Variants in OPCML observed in about 807,000 individuals in gnomAD.
OPCML encodes opioid-binding protein/cell adhesion molecule.
In OPCML, 13 loss-of-function variants were observed where a neutral mutation model predicts 37.8. The ratio of observed to expected loss-of-function variants is 0.34; its 90% CI spans 0.22 to 0.55. The LOEUF is 0.55. OPCML is among the 20% of genes least tolerant of loss of function. The pLI is 0.91. For synonymous variants in OPCML, 176 were observed against 168.8 expected, an observed-to-expected ratio of 1.04 and a Z score of -0.33; for missense variants, 341 against 435.6, an observed-to-expected ratio of 0.78 and a Z score of 1.93.
intron 1 of OPCML, among the ~76,000 whole-genome samples, chr11:133,427,654 A>T (rs929054452): frequency 2.4e-4 from 36 of 152,152 alleles, no homozygotes; most frequent in African/African-American, 8.4e-4. Flanking sequence ...GCTACATACA[A>T]TTCCAGTTAT....
chr11:133,036,744 A>G (rs549604470), intron 1 of OPCML, among the ~76,000 whole-genome samples: 1 of 152,274 alleles, frequency 6.6e-6, no homozygotes, highest in Non-Finnish European at 1.5e-5. Flanking sequence ...CAAAGTTGAC[A>G]TTGATTCAGG....
intron 1 of OPCML, among the ~76,000 whole-genome samples, chr11:132,996,933 C>T (rs184684223): frequency 3.3e-5 from 5 of 152,310 alleles, no homozygotes; most frequent in Admixed American, 2.0e-4. Context: ...CCTAAGGGGC[C>T]GTCTCCTATT....
chr11:132,971,085 G>T (rs7951483), intron 1 of OPCML, among the ~76,000 whole-genome samples: 11,730 of 152,038 alleles, frequency 0.077, 998 homozygotes, highest in East Asian at 0.34. Flanking sequence ...CACAGTGACC[G>T]ACTGTCACAA....
Position 132,812,210 on chromosome 11 carries a change from C to G in OPCML, c.146+130716G>C, listed in dbSNP as rs1339001550. On this transcript the variant is annotated intron_variant, in intron 2 of 7. Coordinates refer to ENST00000524381, the MANE Select transcript of OPCML (RefSeq NM_001012393.5). Reference sequence around the variant, plus strand: ...TCCCTGAGTGGCCAGGGATGAAGAGCACTAAACTTCCATCTTCCAAGAAGG... The same window carrying G: ...TCCCTGAGTGGCCAGGGATGAAGAGGACTAAACTTCCATCTTCCAAGAAGG... Among the ~76,000 whole-genome samples the G allele has an allele frequency of 2.0e-5, 3 of 152,132 alleles. No individual in the cohort carries two copies. In the East Asian group the frequency reaches 5.8e-4, roughly 29 times the overall value.
chr11:132,744,583 C>A (rs983882051), intron 2 of OPCML, among the ~76,000 whole-genome samples: 1 of 152,094 alleles, frequency 6.6e-6, no homozygotes, highest in Non-Finnish European at 1.5e-5. Flanking sequence ...GACCCTTTTG[C>A]CTGTTATTGA....
chr11:133,053,701 G>A (rs908305484), intron 1 of OPCML, among the ~76,000 whole-genome samples: 2 of 152,050 alleles, frequency 1.3e-5, no homozygotes, highest in African/African-American at 4.8e-5. Flanking sequence ...AACCTCCATC[G>A]TCTGTCTCAG....
At chr11:132,814,673 A>G (rs780538120) in intron 2 of OPCML, among the ~76,000 whole-genome samples, 18 of 152,184 alleles carry the variant, frequency 1.2e-4, no homozygotes, top group Non-Finnish European at 2.5e-4. Context: ...CTCAAAAATA[A>G]TGTTTAATCT....
chr11:132,484,925 C>G (rs750576467), intron 4 of OPCML, among the ~76,000 whole-genome samples: 27 of 151,998 alleles, frequency 1.8e-4, no homozygotes, highest in Non-Finnish European at 1.3e-4. Context: ...TTGTGGGGTG[C>G]GAGGAGGGCA....
chr11:132,469,470 C>CTGTG (rs200349396), intron 4 of OPCML, among the ~76,000 whole-genome samples: 75 of 140,582 alleles, frequency 5.3e-4, no homozygotes, highest in South Asian at 1.2e-3. Flanking sequence ...GCCTGTGTGC[C>CTGTG]TGTGTGTGTG....
At chr11:133,431,503 T>C (rs1946114556) in intron 1 of OPCML, among the ~76,000 whole-genome samples, 1 of 152,158 alleles carries the variant, frequency 6.6e-6, no homozygotes, top group Non-Finnish European at 1.5e-5. Flanking sequence ...TTTGCTCTTG[T>C]TGCCCAGGCT....
chr11:133,500,756 A>G lies in OPCML; in HGVS notation c.61+31508T>C, dbSNP rs572191796. ...GACCCCAGCAGGCTGGAGTTCCCAG[A>G]GTTACTCTCAACGGATAGCACCAAT... On this transcript the variant is annotated intron_variant, in intron 1 of 7. Transcript: ENST00000524381. Among the ~76,000 whole-genome samples the G allele has an allele frequency of 3.9e-5, 6 of 152,350 alleles. No individual in the cohort carries two copies. The South Asian group carries it at 1.2e-3, about 32-fold the overall frequency.
chr11:132,436,433 T>C (rs1321988957), intron 6 of OPCML, 196 bp from the exon 7 acceptor site: 2 of 958,334 alleles, frequency 2.1e-6, no homozygotes, highest in Non-Finnish European at 2.5e-6. Context: ...GACTGACATG[T>C]CTACAACCAG....
chr11:133,007,244 G>A (rs1044071000), intron 1 of OPCML: 63 of 985,082 alleles, frequency 6.4e-5, no homozygotes, highest in Non-Finnish European at 7.6e-5. Flanking sequence ...GTTTATTTTA[G>A]CAATTTGTGG....
intron 2 of OPCML, among the ~76,000 whole-genome samples, chr11:132,706,638 CT>C (rs1186763870): frequency 6.6e-6 from 1 of 152,144 alleles, no homozygotes; most frequent in African/African-American, 2.4e-5. Flanking sequence ...ATGCGAGCCT[CT>C]CCTCTAACCC....
At chr11:133,527,124 G>A (rs955227944) in intron 1 of OPCML, among the ~76,000 whole-genome samples, 13 of 152,208 alleles carry the variant, frequency 8.5e-5, no homozygotes, top group Admixed American at 5.2e-4. Flanking sequence ...CCTGTCCAGC[G>A]GACCAGCATC....
intron 3 of OPCML, among the ~76,000 whole-genome samples, chr11:132,575,667 C>T (rs1332872248): frequency 6.6e-6 from 1 of 151,962 alleles, no homozygotes; most frequent in Admixed American, 6.6e-5. Flanking sequence ...GACTTACTCA[C>T]TACCATTACA....
chr11:132,535,819 C>T (rs11827373), intron 3 of OPCML, among the ~76,000 whole-genome samples: 3,669 of 152,196 alleles, frequency 0.024, 164 homozygotes, highest in African/African-American at 0.084. Context: ...GTGTTCATGA[C>T]ACCTGCTTAT....
At chr11:132,583,959 G>T (rs981400277) in intron 3 of OPCML, among the ~76,000 whole-genome samples, 1 of 151,990 alleles carries the variant, frequency 6.6e-6, no homozygotes, top group South Asian at 2.1e-4. Flanking sequence ...TGTCATGTAA[G>T]CATTTTCAAA....
intron 2 of OPCML, chr11:132,772,525 A>G (rs1345332641): frequency 6.6e-6 from 1 of 152,018 alleles, no homozygotes; most frequent in African/African-American, 2.4e-5. Context: ...GAAGGAGGGC[A>G]CTTATTCCTC....
Sources: allele counts gnomAD v4.1 joint callset (sites outside exome capture counted in the v4.1 genomes callset), GRCh38; gene constraint gnomAD v4.1.1; transcripts MANE v1.5; gene names NCBI Gene and HGNC (gene_info 2026-07-23, HGNC 2026-07-21).